Variants in MSRA observed in about 807,000 individuals in gnomAD.
MSRA encodes mitochondrial peptide methionine sulfoxide reductase.
A neutral mutation model predicts 31.3 loss-of-function variants in MSRA; 54 were observed. The observed-to-expected ratio is 1.73, with a 90% CI of 1.39 to 2.17. The LOEUF (loss-of-function observed/expected upper bound fraction) is 2.17. Among genes scored for constraint, MSRA ranks in the 30% most tolerant of loss-of-function variants. MSRA has a pLI of 0.00. For missense variants in MSRA, 507 were observed against 300.9 expected (o/e 1.69, Z -5.07); for synonymous variants, 169 against 116.5 (o/e 1.45, Z -2.90).
At chr8:10,194,040 AAG>A (rs143414404) in intron 1 of MSRA, among the ~76,000 whole-genome samples, 4,872 of 152,200 alleles carry the variant, frequency 0.032, 194 homozygotes, top group South Asian at 0.1. Context: ...GAAAAATTGC[AAG>A]AGAGAGAGTA....
rs377517809 is a variant in MSRA at position 10,345,459 on chromosome 8, G to T, written c.543+25470G>T. Among the ~76,000 whole-genome samples, 22 of 152,176 alleles carry T rather than the reference G, an allele frequency of 1.4e-4. 1 individual carries two copies. The South Asian group carries it at 4.6e-3, about 32-fold the overall frequency. Reference sequence around the variant, plus strand: ...AAGTCTTGTACCAAGCGATCCAAGGGTCCACCATTATCACCACCTGACTTC... The same window carrying T: ...AAGTCTTGTACCAAGCGATCCAAGGTTCCACCATTATCACCACCTGACTTC... On this transcript the variant is annotated intron_variant, in intron 5 of 5. Coordinates refer to ENST00000317173, the MANE Select transcript of MSRA (RefSeq NM_012331.5).
intron 1 of MSRA, among the ~76,000 whole-genome samples, chr8:10,128,638 T>A (rs1197578892): frequency 1.3e-5 from 2 of 152,202 alleles, no homozygotes; most frequent in Non-Finnish European, 2.9e-5. Flanking sequence ...TGTGTGCACT[T>A]CATGAGGGTG....
chr8:10,168,651 C>T (rs1254920068), intron 1 of MSRA, among the ~76,000 whole-genome samples: 1 of 152,144 alleles, frequency 6.6e-6, no homozygotes, highest in Non-Finnish European at 1.5e-5. Flanking sequence ...GCAACTGGCC[C>T]AATGTCACAT....
chr8:10,328,174 GC>G (rs1050341414), intron 5 of MSRA, among the ~76,000 whole-genome samples: 3 of 150,984 alleles, frequency 2.0e-5, no homozygotes, highest in Non-Finnish European at 4.4e-5. Context: ...TCAACGTAAT[GC>G]TTTCTAAAAT....
At chr8:10,342,941 A>C (rs1212448475) in intron 5 of MSRA, among the ~76,000 whole-genome samples, 1 of 152,110 alleles carries the variant, frequency 6.6e-6, no homozygotes, top group African/African-American at 2.4e-5. Context: ...TGAATAATAA[A>C]AAATAGCTGC....
intron 5 of MSRA, among the ~76,000 whole-genome samples, chr8:10,388,132 T>A (rs1186573402): frequency 6.6e-6 from 1 of 152,118 alleles, no homozygotes; most frequent in East Asian, 1.9e-4. Flanking sequence ...TGGGAGAAAC[T>A]CAGGGATAAG....
chr8:10,390,901 G>T (rs1045144898), intron 5 of MSRA, among the ~76,000 whole-genome samples: 1 of 151,978 alleles, frequency 6.6e-6, no homozygotes, highest in Admixed American at 6.5e-5. Context: ...ACGTGAACCC[G>T]GGAGGTGGAG....
chr8:10,212,391 A>C (rs1323946897), intron 2 of MSRA, among the ~76,000 whole-genome samples: 1 of 152,214 alleles, frequency 6.6e-6, no homozygotes, highest in Non-Finnish European at 1.5e-5. Flanking sequence ...CACCAAGAAT[A>C]ATAAATACAC....
At chr8:10,317,620 A>G (rs537351360) in intron 4 of MSRA, among the ~76,000 whole-genome samples, 5 of 152,326 alleles carry the variant, frequency 3.3e-5, no homozygotes, top group Admixed American at 1.3e-4. Context: ...ATAGAGTACT[A>G]TGGAAGCATT....
At chr8:10,337,603 G>A (rs1247600075) in intron 5 of MSRA, 1 of 659,292 alleles carries the variant, frequency 1.5e-6, no homozygotes, top group African/African-American at 1.8e-5. Context: ...CTGGAAGTTG[G>A]TTAATTTTTC....
chr8:10,121,665 C>T (rs753684162), intron 1 of MSRA, among the ~76,000 whole-genome samples: 4 of 151,798 alleles, frequency 2.6e-5, no homozygotes, highest in African/African-American at 4.8e-5. Flanking sequence ...TTCTTACTCC[C>T]TCTCCCTCTC....
intron 1 of MSRA, among the ~76,000 whole-genome samples, chr8:10,170,030 C>G (rs147400568): frequency 3.5e-5 from 5 of 144,084 alleles, no homozygotes; most frequent in African/African-American, 1.0e-4. Context: ...TCTACCACTA[C>G]GCCTGGCTAA....
intron 5 of MSRA, among the ~76,000 whole-genome samples, chr8:10,332,621 A>T (rs911291764): frequency 6.6e-6 from 1 of 152,190 alleles, no homozygotes; most frequent in African/African-American, 2.4e-5. Flanking sequence ...ATTTCTGTGT[A>T]TGCAGCCACG....
chr8:10,255,205 G>A (rs1386376277), intron 3 of MSRA, among the ~76,000 whole-genome samples: 1 of 152,216 alleles, frequency 6.6e-6, no homozygotes, highest in Non-Finnish European at 1.5e-5. Flanking sequence ...AAATGAGAAG[G>A]CCTTCCACAC....
chr8:10,219,755 A>G lies in MSRA; in HGVS notation c.211+11854A>G, dbSNP rs530453265. 3.8e-4 allele frequency among the ~76,000 whole-genome samples: 51 copies of G among 133,738 alleles called. 1 individual carries two copies. Among genetic ancestry groups the G allele is most frequent in the African/African-American group, 1.3e-3 (47 of 36,272 alleles). The allele number at this position is 133,738 out of a possible 152,430, so 87.7% of individuals were successfully genotyped here. A position where few individuals can be genotyped will look rare whatever the true frequency, so the allele number is the denominator to read the frequency against. On this transcript the variant is annotated intron_variant, in intron 2 of 5. Coordinates refer to ENST00000317173, the MANE Select transcript of MSRA (RefSeq NM_012331.5). ...CGGGAGGCACAACTTGCAGTGAGCC[A>G]AGATCGCACCACTGCACTTCAGCCT...
intron 4 of MSRA, among the ~76,000 whole-genome samples, chr8:10,306,659 A>G (rs200583955): frequency 2.9e-3 from 449 of 152,322 alleles, no homozygotes; most frequent in Non-Finnish European, 3.7e-3. Context: ...GAACTGGATC[A>G]GGTTCCCAGC....
At chr8:10,230,370 G>C (rs1585224052) in intron 2 of MSRA, among the ~76,000 whole-genome samples, 1 of 152,206 alleles carries the variant, frequency 6.6e-6, no homozygotes, top group Non-Finnish European at 1.5e-5. Context: ...AGGTGGAGAT[G>C]GGGGTGTAGG....
chr8:10,380,985 A>T (rs1396262472), intron 5 of MSRA, among the ~76,000 whole-genome samples: 1 of 152,010 alleles, frequency 6.6e-6, no homozygotes, highest in Non-Finnish European at 1.5e-5. Flanking sequence ...GGATGGATGG[A>T]TGAAGAGATG....
At chr8:10,420,213 G>T (rs1189991492) in intron 5 of MSRA, among the ~76,000 whole-genome samples, 1 of 104,592 alleles carries the variant, frequency 9.6e-6, no homozygotes, top group Admixed American at 8.3e-5. Context: ...ATGTATATGA[G>T]GGAGCTAGAG....
Sources: allele counts gnomAD v4.1 joint callset (sites outside exome capture counted in the v4.1 genomes callset), GRCh38; gene constraint gnomAD v4.1.1; transcripts MANE v1.5; gene names NCBI Gene and HGNC (gene_info 2026-07-23, HGNC 2026-07-21).